Variants in SEL1L3 observed in about 807,000 individuals in gnomAD.
SEL1L3 encodes the protein SEL1L family member 3, also known as protein sel-1 homolog 3.
A neutral mutation model predicts 142.8 loss-of-function variants in SEL1L3; 76 were observed. That is an observed-to-expected ratio of 0.53 (90% CI 0.44 to 0.64). The LOEUF is 0.64. Ranked by LOEUF, SEL1L3 falls within the 30% of genes least tolerant of loss-of-function variation. The pLI is 0.00. For synonymous variants in SEL1L3, 504 were observed against 519.6 expected (o/e 0.97, Z 0.41); for missense variants, 1,262 against 1,381.7 (o/e 0.91, Z 1.37).
chr4:25,726,557 A>G, the SEL1L3 span, among the ~76,000 whole-genome samples: 1 of 143,344 alleles, frequency 7.0e-6, no homozygotes, highest in Non-Finnish European at 1.5e-5. Context: ...CCAAAAAAAA[A>G]CCTGTTGTAC....
At position 25,835,460 on chromosome 4, in the gene SEL1L3, T is replaced by G. The variant is rs13434986; in HGVS notation, c.734-137A>C. On this transcript the variant is annotated intron_variant, in intron 2 of 23. Coordinates refer to ENST00000399878, the MANE Select transcript of SEL1L3 (RefSeq NM_015187.5). ...TACCCTAAAAATATTAGCAAACATC[T>G]GTTGAATAAATGCCAAGCACCATGC... 18,280 of 914,436 alleles carry G rather than the reference T, an allele frequency of 0.02. 2,219 individuals are homozygous for G. The African/African-American group carries it at 0.26, about 13-fold the overall frequency. The allele number at this position is 914,436 out of a possible 1,614,324, so 56.6% of individuals were successfully genotyped here. A position where few individuals can be genotyped will look rare whatever the true frequency, so the allele number is the denominator to read the frequency against.
chr4:25,765,262 G>A, intron 20 of SEL1L3, 64 bp downstream of exon 20: 3 of 1,119,780 alleles, frequency 2.7e-6, no homozygotes, highest in Non-Finnish European at 2.7e-6. Flanking sequence ...CCAAAGGGCT[G>A]GGATTACAGG....
At chr4:25,770,020 C>T (rs962509863) in intron 17 of SEL1L3, among the ~76,000 whole-genome samples, 5 of 151,918 alleles carry the variant, frequency 3.3e-5, no homozygotes, top group African/African-American at 9.7e-5. Context: ...CCCAGCCACT[C>T]GGGAGGCTGA....
At chr4:25,809,767 T>C (rs1713892589) in intron 9 of SEL1L3, among the ~76,000 whole-genome samples, 1 of 152,212 alleles carries the variant, frequency 6.6e-6, no homozygotes, top group Non-Finnish European at 1.5e-5. Context: ...ATGTATGCTT[T>C]TTTAAAAAAG....
At position 25,804,777 on chromosome 4, in the gene SEL1L3, C is replaced by A. The variant is rs371966710; in HGVS notation, c.1565-25G>T. 3 of 1,494,216 alleles carry A rather than the reference C, an allele frequency of 2.0e-6. No individual in the cohort carries two copies. The African/African-American group carries it at 4.1e-5, about 21-fold the overall frequency. The allele number at this position is 1,494,216 out of a possible 1,614,324, so 92.6% of individuals were successfully genotyped here. A position where few individuals can be genotyped will look rare whatever the true frequency, so the allele number is the denominator to read the frequency against. The stretch of plus-strand genomic sequence containing the variant: ...ACTGTAAATAACACAATTCAGAGCA[C>A]ACACAATTAATTACCATGGGATCGA... On this transcript the variant is annotated intron_variant, in intron 9 of 23. Transcript: ENST00000399878.
Position 25,759,033 on chromosome 4 carries a change from A to T in SEL1L3, c.2991T>A (p.Gly997=). The T allele has an allele frequency of 1.9e-6, 3 of 1,613,714 alleles. No homozygotes were observed. The highest frequency in any genetic ancestry group is 2.5e-6 in the Non-Finnish European group (3 of 1,179,786). ...FFNLALLIEE[G]TIIPHHILDF... ...CCAAGATATGGTGTGGGATTATCGT[A>T]CCTTCCTCGATTAGCAGGGCCAGGT... Residue 997 remains glycine, a synonymous_variant, in exon 21 of 24, where the codon GGT becomes GGA. Transcript: ENST00000399878.
chr4:25,804,752 A>G lies in SEL1L3; in HGVS notation c.1565T>C (p.Val522Ala). Residue 522 changes from valine to alanine, a missense_variant and splice_region_variant, in exon 10 of 24, where the codon GTG (valine) becomes GCG (alanine). Val to Ala is a moderately conservative substitution (Grantham distance 64). Around this residue, in one of 3 missense-constraint regions of SEL1L3, gnomAD observed 689 missense variants for 692.8 expected, o/e 0.99. Transcript: ENST00000399878. The stretch of plus-strand genomic sequence containing the variant: ...TACAGATTCATTTTGGTTCCTTGGC[A>G]CTGTAAATAACACAATTCAGAGCAC... ...QALLEMDLLT[V>A]PRNQNESVSE... is the part of the protein sequence containing the mutation. 1 of 1,596,450 alleles carries G rather than the reference A, an allele frequency of 6.3e-7. No homozygotes were observed.
At chr4:25,854,286 C>CT (rs200671712) in intron 1 of SEL1L3, among the ~76,000 whole-genome samples, 12 of 151,336 alleles carry the variant, frequency 7.9e-5, no homozygotes, top group East Asian at 7.8e-4. Context: ...AATTATCAAG[C>CT]TTTTTTTTTG....
chr4:25,836,405 G>C (rs894952968), intron 2 of SEL1L3, among the ~76,000 whole-genome samples: 2 of 152,114 alleles, frequency 1.3e-5, no homozygotes, highest in African/African-American at 4.8e-5. Context: ...CTAGCACTTT[G>C]GGAGGCCAAA....
intron 8 of SEL1L3, 71 bp from the exon 9 acceptor site, chr4:25,818,349 TC>T: frequency 7.5e-7 from 1 of 1,330,264 alleles, no homozygotes; most frequent in Non-Finnish European, 1.0e-6. Flanking sequence ...CTAAAGCCCT[TC>T]TTCCTAACAG....
At chr4:25,764,340 G>A (rs1380356606) in intron 20 of SEL1L3, among the ~76,000 whole-genome samples, 1 of 152,142 alleles carries the variant, frequency 6.6e-6, no homozygotes, top group African/African-American at 2.4e-5. Context: ...TGGAAAAACT[G>A]GTGAAATCTA....
Position 25,818,536 on chromosome 4 carries a change from G to A in SEL1L3, c.1424-258C>T, listed in dbSNP as rs142768578. On this transcript the variant is annotated intron_variant, in intron 8 of 23. Transcript: ENST00000399878. ...AGAATGAGCAGCTGGCCTCTGACCG[G>A]TCCCCAGGAGGCCAATATCTAGGCC... Among the ~76,000 whole-genome samples, 1,501 of 152,238 alleles carry A rather than the reference G, an allele frequency of 9.9e-3. 28 individuals carry two copies. The highest frequency in any genetic ancestry group is 0.034 in the African/African-American group (1,409 of 41,526).
chr4:25,820,761 A>G (rs1161116468), intron 7 of SEL1L3, among the ~76,000 whole-genome samples: 1 of 152,132 alleles, frequency 6.6e-6, no homozygotes, highest in Non-Finnish European at 1.5e-5. Context: ...CATGATATTA[A>G]ACACATTTCT....
rs954075 is a variant in SEL1L3, at chr4:25,757,626, G to A, written c.3187-20C>T. On this transcript the variant is annotated intron_variant, in intron 22 of 23. Coordinates refer to ENST00000399878, the MANE Select transcript of SEL1L3 (RefSeq NM_015187.5). Reference sequence around the variant, plus strand: ...GTAGATCTGCAAACATCAGAAGCACGCATTAGTGACTGACAAAGGGCAGGG... The same window carrying A: ...GTAGATCTGCAAACATCAGAAGCACACATTAGTGACTGACAAAGGGCAGGG... The A allele has an allele frequency of 7.1e-6, 11 of 1,555,794 alleles. No homozygotes were observed. The highest frequency in any genetic ancestry group is 3.6e-5 in the South Asian group (3 of 84,296).
upstream of SEL1L3, chr4:25,863,542 CT>C (rs1717907535): frequency 2.8e-6 from 2 of 702,546 alleles, no homozygotes; most frequent in Non-Finnish European, 5.2e-6. Context: ...AGTGTGCCCC[CT>C]GGAGTTGTGC....
intron 7 of SEL1L3, 49 bp downstream of exon 7, chr4:25,821,947 A>G: frequency 1.3e-6 from 2 of 1,590,456 alleles, no homozygotes; most frequent in Non-Finnish European, 1.7e-6. Context: ...CCTGAGGCCC[A>G]CACCCATCAC....
intron 11 of SEL1L3, among the ~76,000 whole-genome samples, chr4:25,796,259 G>A (rs1235685561): frequency 6.6e-6 from 1 of 152,052 alleles, no homozygotes; most frequent in Non-Finnish European, 1.5e-5. Context: ...GCCACAGAGG[G>A]CGGTGCTCAC....
chr4:25,773,014 C>T (rs188325907), intron 17 of SEL1L3, among the ~76,000 whole-genome samples: 88 of 152,280 alleles, frequency 5.8e-4, no homozygotes, highest in African/African-American at 1.9e-3. Context: ...TCAGGCTGGT[C>T]TCAAACTCCT....
intron 6 of SEL1L3, 60 bp from the exon 7 acceptor site, chr4:25,822,188 A>G (rs1714809615): frequency 2.5e-6 from 4 of 1,603,560 alleles, no homozygotes; most frequent in Non-Finnish European, 3.4e-6. Flanking sequence ...ATTTAAAAAC[A>G]GTCTCTTTCC....
Sources: gnomAD v4.1 joint callset for allele counts (sites outside exome capture counted in the v4.1 genomes callset) on GRCh38, gnomAD v4.1.1 for gene constraint, gnomAD v4.1.1 regional missense constraint, MANE v1.5 for transcripts, NCBI Gene and HGNC (gene_info 2026-07-23, HGNC 2026-07-21) for gene names.